CDH13: variants seen among roughly 807,000 people sequenced by gnomAD.
CDH13 encodes cadherin 13.
A neutral mutation model predicts 63.8 loss-of-function variants in CDH13; 24 were observed. The observed-to-expected ratio is 0.38, with a 90% confidence interval of 0.27 to 0.53. The LOEUF (loss-of-function observed/expected upper bound fraction) is 0.53. CDH13 is among the 20% of genes least tolerant of loss of function. The pLI, the probability that CDH13 is intolerant of heterozygous loss-of-function variation, is 0.85. For missense variants in CDH13, 1,049 were observed against 903.1 expected (o/e 1.16, Z -2.07); for synonymous variants, 503 against 355.3 (o/e 1.42, Z -4.67).
At chr16:83,147,253 G>A (rs751956495) in intron 4 of CDH13, among the ~76,000 whole-genome samples, 4 of 152,172 alleles carry the variant, frequency 2.6e-5, no homozygotes, top group East Asian at 1.9e-4. Context: ...TCCGTCTTCT[G>A]TTTTCCACAT....
chr16:82,916,609 G>A (rs1198380635), intron 2 of CDH13, among the ~76,000 whole-genome samples: 7 of 151,872 alleles, frequency 4.6e-5, no homozygotes, highest in African/African-American at 7.2e-5. Context: ...AAAATAAAAA[G>A]GAAGACCTTG....
chr16:82,933,548 C>G (rs2151298346), intron 2 of CDH13, among the ~76,000 whole-genome samples: 1 of 152,266 alleles, frequency 6.6e-6, no homozygotes, highest in Admixed American at 6.5e-5. Flanking sequence ...CATTTCAAAA[C>G]AAAATTATGC....
chr16:83,434,445 G>C (rs944040439), intron 6 of CDH13, among the ~76,000 whole-genome samples: 2 of 152,018 alleles, frequency 1.3e-5, no homozygotes, highest in African/African-American at 4.8e-5. Context: ...TCTCTGGCGT[G>C]GTCCAGCCCT....
At chr16:82,883,729 A>T (rs918097943) in intron 2 of CDH13, among the ~76,000 whole-genome samples, 2 of 152,130 alleles carry the variant, frequency 1.3e-5, no homozygotes, top group African/African-American at 4.8e-5. Context: ...AGCAGCCTCT[A>T]ATATTTGCTG....
chr16:83,052,563 T>C (rs1250959105), intron 3 of CDH13, among the ~76,000 whole-genome samples: 1 of 152,130 alleles, frequency 6.6e-6, no homozygotes, highest in Non-Finnish European at 1.5e-5. Flanking sequence ...GCAGATCACC[T>C]GGGGTCACGA....
At chr16:82,660,057 G>C (rs544541775) in intron 1 of CDH13, among the ~76,000 whole-genome samples, 1 of 152,306 alleles carries the variant, frequency 6.6e-6, no homozygotes, top group South Asian at 2.1e-4. Context: ...TAAAACAGCA[G>C]CACTGGGAAA....
At chr16:82,904,563 C>T (rs1225469960) in intron 2 of CDH13, among the ~76,000 whole-genome samples, 1 of 152,124 alleles carries the variant, frequency 6.6e-6, no homozygotes, top group Non-Finnish European at 1.5e-5. Context: ...CAACCTAATA[C>T]CTCCCAGCAA....
intron 3 of CDH13, among the ~76,000 whole-genome samples, chr16:83,079,523 C>G (rs1418320595): frequency 6.6e-6 from 1 of 152,086 alleles, no homozygotes; most frequent in Non-Finnish European, 1.5e-5. Flanking sequence ...ATATTTCCAC[C>G]AAATGCAAGT....
intron 2 of CDH13, among the ~76,000 whole-genome samples, chr16:82,881,446 C>T (rs989406597): frequency 7.2e-5 from 11 of 152,116 alleles, no homozygotes; most frequent in African/African-American, 2.4e-4. Flanking sequence ...CACAATGGTC[C>T]TGAGTTGGGG....
chr16:82,836,681 G>A (rs1048250498), intron 1 of CDH13, among the ~76,000 whole-genome samples: 1 of 152,136 alleles, frequency 6.6e-6, no homozygotes, highest in African/African-American at 2.4e-5. Flanking sequence ...CACAGCCCAC[G>A]ATGATGAGCC....
intron 1 of CDH13, among the ~76,000 whole-genome samples, chr16:82,852,112 G>A (rs908091088): frequency 1.8e-4 from 27 of 152,324 alleles, no homozygotes; most frequent in African/African-American, 5.5e-4. Context: ...TCTCAACCTC[G>A]TGAGATTAAT....
chr16:83,135,190 A>G (rs1334316176), intron 4 of CDH13, among the ~76,000 whole-genome samples: 2 of 152,192 alleles, frequency 1.3e-5, no homozygotes, highest in Non-Finnish European at 2.9e-5. Context: ...AGGCAATCCT[A>G]CACTCATTTC....
intron 1 of CDH13, among the ~76,000 whole-genome samples, chr16:82,698,493 T>A (rs2030601635): frequency 6.6e-6 from 1 of 152,248 alleles, no homozygotes. Flanking sequence ...GTTAGGTGGC[T>A]CTGCTGATCT....
chr16:82,921,902 T>C (rs1199565650), intron 2 of CDH13, among the ~76,000 whole-genome samples: 1 of 152,190 alleles, frequency 6.6e-6, no homozygotes, highest in African/African-American at 2.4e-5. Flanking sequence ...AGAAATATTC[T>C]AAATTACTGA....
chr16:82,921,291 C>T lies in CDH13; in HGVS notation c.157+62818C>T, dbSNP rs574896925. Among the ~76,000 whole-genome samples, 81 of 152,240 alleles carry T rather than the reference C, an allele frequency of 5.3e-4. 1 individual carries two copies. The highest frequency in any genetic ancestry group is 1.8e-3 in the African/African-American group (74 of 41,554). ...ACTCTCTCCAGAAGCTCTCGGGGAG[C>T]TTCATTTCTTGCTTCTTCCAGCTTC... On this transcript the variant is annotated intron_variant, in intron 2 of 13. Coordinates refer to ENST00000567109, the MANE Select transcript of CDH13 (RefSeq NM_001257.5).
Position 83,213,211 on chromosome 16 carries a change from G to C in CDH13, c.484-4134G>C, listed in dbSNP as rs113776539. ...GCAGGAGCCAACTCAGCTAGGTCCT[G>C]CCTCTAAGACCTTTGTGTCTGTACC... is the stretch of plus-strand genomic sequence containing the variant. On this transcript the variant is annotated intron_variant, in intron 4 of 13. Coordinates refer to ENST00000567109, the MANE Select transcript of CDH13 (RefSeq NM_001257.5). 5.0e-3 allele frequency among the ~76,000 whole-genome samples: 756 copies of C among 152,276 alleles called. 7 individuals carry two copies. The highest frequency in any genetic ancestry group is 0.017 in the African/African-American group (709 of 41,546).
At chr16:83,127,575 C>T (rs2035867623) in intron 4 of CDH13, among the ~76,000 whole-genome samples, 1 of 151,856 alleles carries the variant, frequency 6.6e-6, no homozygotes, top group Non-Finnish European at 1.5e-5. Flanking sequence ...ACTAAAAATA[C>T]AAAAATTAGC....
intron 1 of CDH13, among the ~76,000 whole-genome samples, chr16:82,821,485 T>A (rs2151095974): frequency 6.6e-6 from 1 of 152,334 alleles, no homozygotes; most frequent in Middle Eastern, 3.4e-3. Flanking sequence ...ATGCAAGAGA[T>A]CTGCCCTATC....
intron 3 of CDH13, among the ~76,000 whole-genome samples, chr16:83,054,060 C>T (rs1414645734): frequency 2.0e-5 from 3 of 152,138 alleles, no homozygotes; most frequent in Non-Finnish European, 4.4e-5. Context: ...GTATTCAGCA[C>T]AGTAACATAC....
Sources: allele counts gnomAD v4.1 joint callset (sites outside exome capture counted in the v4.1 genomes callset), GRCh38; gene constraint gnomAD v4.1.1; transcripts MANE v1.5; gene names NCBI Gene and HGNC (gene_info 2026-07-23, HGNC 2026-07-21).